MAP3K1: variants seen among roughly 807,000 people sequenced by gnomAD.
MAP3K1 encodes the protein mitogen-activated protein kinase kinase kinase 1, also known as MAP/ERK kinase kinase 1.
Under a neutral mutation model 144.2 loss-of-function variants are expected in MAP3K1, and 36 were observed. The observed-to-expected ratio is 0.25, with a 90% CI of 0.19 to 0.33. The LOEUF (loss-of-function observed/expected upper bound fraction) is 0.33. Ranked by LOEUF, MAP3K1 falls within the 10% of genes least tolerant of loss-of-function variation. MAP3K1 has a pLI of 1.00. For synonymous variants in MAP3K1, 718 were observed against 688.7 expected, an observed-to-expected ratio of 1.04 and a Z score of -0.67; for missense variants, 1,650 against 1,881.9, an observed-to-expected ratio of 0.88 and a Z score of 2.28.
intron 1 of MAP3K1, among the ~76,000 whole-genome samples, chr5:56,830,379 G>C (rs956991669): frequency 1.3e-5 from 2 of 152,006 alleles, no homozygotes; most frequent in Non-Finnish European, 2.9e-5. Flanking sequence ...TCTGTTTCTT[G>C]TTTTACTTTC....
intron 1 of MAP3K1, among the ~76,000 whole-genome samples, chr5:56,839,104 G>A (rs767573602): frequency 7.2e-5 from 11 of 152,158 alleles, no homozygotes; most frequent in Non-Finnish European, 1.5e-4. Flanking sequence ...GTCAAGTTGC[G>A]AATCCAAAGG....
rs142968004 is a variant in MAP3K1 at position 56,881,896 on chromosome 5, A to T, written c.2696A>T (p.Asn899Ile). 8.1e-6 allele frequency: 13 copies of T among 1,614,018 alleles called. No homozygotes were observed. The highest frequency in any genetic ancestry group is 1.1e-5 in the Non-Finnish European group (13 of 1,180,030). Residue 899 changes from asparagine to isoleucine, a missense_variant, in exon 14 of 20, where the codon AAC becomes ATC. Physicochemically the swap from Asn to Ile is moderately radical, Grantham distance 149. This residue lies in a region of MAP3K1 where 841 missense variants were observed against 886.5 expected (regional missense o/e 0.95). Coordinates refer to ENST00000399503, the MANE Select transcript of MAP3K1 (RefSeq NM_005921.2). ...AACAACTATCTGGAAACCACAGAGA[A>T]CAGTTCCCCTGAGTGCACAGTCCAT... Reference protein sequence around the residue: ...VPNNYLETTENSSPECTVHLE... With the variant: ...VPNNYLETTEISSPECTVHLE...
At chr5:56,874,963 C>G in intron 9 of MAP3K1, 69 bp from the exon 10 acceptor site, 1 of 1,528,470 alleles carries the variant, frequency 6.5e-7, no homozygotes, top group Non-Finnish European at 9.1e-7. Flanking sequence ...AAAAATGATG[C>G]TAAACTCAAA....
intron 1 of MAP3K1, among the ~76,000 whole-genome samples, chr5:56,850,189 C>G (rs1389315378): frequency 1.3e-5 from 2 of 152,170 alleles, no homozygotes. Context: ...TTGCTGTCCT[C>G]TTCCTCAGTA....
intron 1 of MAP3K1, among the ~76,000 whole-genome samples, chr5:56,848,978 T>G (rs1018895318): frequency 2.0e-5 from 3 of 152,348 alleles, no homozygotes; most frequent in South Asian, 2.1e-4. Context: ...AAGGCCTAAA[T>G]AGGAATGTTT....
intron 1 of MAP3K1, among the ~76,000 whole-genome samples, chr5:56,855,879 CAT>C (rs1747329209): frequency 6.6e-6 from 1 of 152,158 alleles, no homozygotes; most frequent in South Asian, 2.1e-4. Context: ...CATGTATGCT[CAT>C]GTGGATATGG....
chr5:56,852,294 A>G (rs1243045863), intron 1 of MAP3K1, among the ~76,000 whole-genome samples: 2 of 152,210 alleles, frequency 1.3e-5, no homozygotes, highest in Admixed American at 1.3e-4. Context: ...CAAGAGAGTT[A>G]GCACAATCAA....
rs1748286941 is a variant in MAP3K1 at position 56,883,405 on chromosome 5, T to G, written c.3667-122T>G. On this transcript the variant is annotated intron_variant, in intron 14 of 19. Transcript: ENST00000399503. ...GCTGTCGGTCACAAATACCTTCCAT[T>G]CAGAGGTCACATTTATAGGTGGTTT... is the stretch of plus-strand genomic sequence containing the variant. 5 of 884,022 alleles carry G rather than the reference T, an allele frequency of 5.7e-6. No individual in the cohort carries two copies. The East Asian group carries it at 1.3e-4, about 23-fold the overall frequency. The allele number at this position is 884,022 out of a possible 1,614,324, so 54.8% of individuals were successfully genotyped here. A position where few individuals can be genotyped will look rare whatever the true frequency, so the allele number is the denominator to read the frequency against.
At chr5:56,874,621 T>C (rs771289473) in intron 9 of MAP3K1, among the ~76,000 whole-genome samples, 2 of 152,130 alleles carry the variant, frequency 1.3e-5, no homozygotes, top group Non-Finnish European at 2.9e-5. Context: ...TTTTGATTTG[T>C]TTTTTGTTTG....
chr5:56,882,975 G>A, intron 14 of MAP3K1, 109 bp downstream of exon 14: 1 of 871,624 alleles, frequency 1.1e-6, no homozygotes, highest in Non-Finnish European at 1.8e-6. Flanking sequence ...GATTGCTTGA[G>A]CACAGGAGTT....
At position 56,883,557 on chromosome 5, in the gene MAP3K1, G is replaced by A. The variant is rs371557336; in HGVS notation, c.3697G>A (p.Ala1233Thr). Residue 1233 changes from alanine to threonine, a missense_variant, in exon 15 of 20, where the codon GCA becomes ACA. By Grantham distance (58) the Ala-to-Thr change is moderately conservative. This residue lies in a region of MAP3K1 where 841 missense variants were observed against 886.5 expected (regional missense o/e 0.95). Transcript: ENST00000399503. The part of the protein sequence containing the change: ...TPETLPGHTK[A>T]KQPYREDTEW... ...AGAGACTCTACCAGGACATACCAAA[G>A]CAAAACAACCGTATAGAGAAGACAC... 7 of 1,613,932 alleles carry A rather than the reference G, an allele frequency of 4.3e-6. No homozygotes were observed. The highest frequency in any genetic ancestry group is 2.2e-5 in the East Asian group (1 of 44,872).
chr5:56,888,868 G>T (rs1328455489), intron 19 of MAP3K1, among the ~76,000 whole-genome samples: 1 of 152,228 alleles, frequency 6.6e-6, no homozygotes, highest in African/African-American at 2.4e-5. Context: ...CTCAGCGTAA[G>T]TTGAAGAGCA....
intron 17 of MAP3K1, among the ~76,000 whole-genome samples, chr5:56,886,768 C>T (rs927981525): frequency 2.6e-5 from 4 of 151,972 alleles, no homozygotes; most frequent in Non-Finnish European, 4.4e-5. Context: ...TTTTCCTTAT[C>T]CTTTTCTTTT....
At chr5:56,823,490 T>C (rs1746217143) in intron 1 of MAP3K1, among the ~76,000 whole-genome samples, 1 of 152,218 alleles carries the variant, frequency 6.6e-6, no homozygotes, top group African/African-American at 2.4e-5. Flanking sequence ...CCTCATTTGA[T>C]GAATGACTGC....
chr5:56,823,453 G>A (rs1746216265), intron 1 of MAP3K1, among the ~76,000 whole-genome samples: 1 of 152,206 alleles, frequency 6.6e-6, no homozygotes, highest in South Asian at 2.1e-4. Flanking sequence ...TGTCCCTACT[G>A]TCAGTGTTGT....
intron 1 of MAP3K1, among the ~76,000 whole-genome samples, chr5:56,843,161 C>T (rs1470384081): frequency 6.6e-6 from 1 of 152,162 alleles, no homozygotes; most frequent in African/African-American, 2.4e-5. Context: ...GCTGTTGCTC[C>T]ATAAGTACCT....
rs534621971 is a variant in MAP3K1, at chr5:56,817,820, A to G, written c.482+1765A>G. Among the ~76,000 whole-genome samples the G allele has an allele frequency of 1.1e-4, 16 of 152,366 alleles. No homozygotes were observed. In the East Asian group the frequency reaches 2.5e-3, roughly 24 times the overall value. ...CTAGTACTCTTAATGAGCTGTGAAT[A>G]TAGTAGAAGAGCATCCACTGTAAAA... On this transcript the variant is annotated intron_variant, in intron 1 of 19. Coordinates refer to ENST00000399503, the MANE Select transcript of MAP3K1 (RefSeq NM_005921.2).
chr5:56,893,559 T>C lies in MAP3K1; in HGVS notation c.4418T>C (p.Ile1473Thr). 6.2e-7 allele frequency: 1 copy of C among 1,613,976 alleles called. No homozygotes were observed. Among genetic ancestry groups the C allele is most frequent in the Non-Finnish European group, 8.5e-7 (1 of 1,179,874 alleles). Reference protein sequence around the residue: ...KIASATTAPSIPSHLSPGLRD... With the variant: ...KIASATTAPSTPSHLSPGLRD... ...GCTAGTGCAACTACTGCTCCATCGA[T>C]CCCTTCACATTTGTCTCCTGGTTTA... The change falls in exon 20 of 20, where the codon ATC becomes ACC. Residue 1473 changes from isoleucine (I) to threonine (T), a missense_variant. Physicochemically the swap from Ile to Thr is moderately conservative, Grantham distance 89. This residue lies in a region of MAP3K1 where 165 missense variants were observed against 322.9 expected (regional missense o/e 0.51). Transcript: ENST00000399503.
At chr5:56,836,668 G>T (rs890566027) in intron 1 of MAP3K1, among the ~76,000 whole-genome samples, 1 of 152,144 alleles carries the variant, frequency 6.6e-6, no homozygotes, top group Non-Finnish European at 1.5e-5. Context: ...GTTTTGTCTT[G>T]TGTATGTGAC....
Sources: allele counts gnomAD v4.1 joint callset (sites outside exome capture counted in the v4.1 genomes callset), GRCh38; gene constraint gnomAD v4.1.1; regional missense constraint gnomAD v4.1.1; transcripts MANE v1.5; gene names NCBI Gene and HGNC (gene_info 2026-07-23, HGNC 2026-07-21).